Variants in CSMD1 observed in about 807,000 individuals in gnomAD.
The protein encoded by CSMD1 is CUB and sushi domain-containing protein 1.
CSMD1 carries 213 observed loss-of-function variants against 417.5 expected under a neutral mutation model. The observed-to-expected ratio is 0.51, with a 90% CI of 0.46 to 0.57. The LOEUF is 0.57. CSMD1 is among the 20% of genes least tolerant of loss of function. The probability of loss-of-function intolerance (pLI) is 0.00; values close to 1 mark genes in which losing one functional copy is unlikely to be tolerated. For synonymous variants in CSMD1, 2,862 were observed against 1,736.8 expected (o/e 1.65, Z -16.11); for missense variants, 6,923 against 4,529.7 (o/e 1.53, Z -15.17).
At chr8:4,126,041 C>T (rs373515898) in intron 3 of CSMD1, among the ~76,000 whole-genome samples, 2 of 152,148 alleles carry the variant, frequency 1.3e-5, no homozygotes, top group East Asian at 1.9e-4. Flanking sequence ...ACCACCAAGA[C>T]TTTTAATCTG....
intron 3 of CSMD1, among the ~76,000 whole-genome samples, chr8:4,348,136 G>A (rs1298436326): frequency 6.6e-6 from 1 of 152,206 alleles, no homozygotes; most frequent in East Asian, 1.9e-4. Flanking sequence ...ATTAAAGAGA[G>A]AAGACCTTTT....
intron 3 of CSMD1, among the ~76,000 whole-genome samples, chr8:4,376,656 G>A (rs888894450): frequency 7.2e-5 from 11 of 152,088 alleles, no homozygotes; most frequent in South Asian, 2.1e-4. Context: ...TTCTATAGCC[G>A]TGCTCATATC....
At chr8:3,786,807 G>C (rs1156769717) in intron 5 of CSMD1, among the ~76,000 whole-genome samples, 1 of 152,128 alleles carries the variant, frequency 6.6e-6, no homozygotes, top group African/African-American at 2.4e-5. Flanking sequence ...GGTAGAGAGA[G>C]AAGAAGGAAA....
At chr8:4,255,178 A>T (rs899721571) in intron 3 of CSMD1, among the ~76,000 whole-genome samples, 3 of 152,228 alleles carry the variant, frequency 2.0e-5, no homozygotes, top group African/African-American at 7.2e-5. Flanking sequence ...CCATGCTGGA[A>T]AGAGCATGAT....
chr8:3,708,997 G>C (rs3816750), intron 6 of CSMD1, among the ~76,000 whole-genome samples: 13 of 152,178 alleles, frequency 8.5e-5, no homozygotes, highest in African/African-American at 2.2e-4. Flanking sequence ...CATGCTCTAC[G>C]TGCTGTAGAT....
In CSMD1 at chr8:3,436,629, T is replaced by C. The variant is rs567761123; in HGVS notation, c.1562-27024A>G. Among the ~76,000 whole-genome samples, 14 of 152,300 alleles carry C rather than the reference T, an allele frequency of 9.2e-5. No homozygotes were observed. In the East Asian group the frequency reaches 2.1e-3, roughly 23 times the overall value. ...GATCATAATAAACATCACACCAACA[T>C]AGTGATTACATGTATTTCAAAACAA... On this transcript the variant is annotated intron_variant, in intron 12 of 69. Coordinates refer to ENST00000635120, the MANE Select transcript of CSMD1 (RefSeq NM_033225.6).
intron 2 of CSMD1, among the ~76,000 whole-genome samples, chr8:4,578,332 A>ATTTTTTTTTTTTTTTTTTTTTTTTTT: frequency 2.1e-5 from 1 of 48,768 alleles, no homozygotes; most frequent in African/African-American, 7.6e-5. Flanking sequence ...CACCCGGCTC[A>ATTTTTTTTTTTTTTTTTTTTTTTTTT]TTTTTTTTTT....
At chr8:4,625,041 G>A (rs916045924) in intron 2 of CSMD1, among the ~76,000 whole-genome samples, 1 of 152,058 alleles carries the variant, frequency 6.6e-6, no homozygotes, top group African/African-American at 2.4e-5. Flanking sequence ...ATGAGAAACC[G>A]GGAAGAATGA....
intron 51 of CSMD1, among the ~76,000 whole-genome samples, chr8:3,023,987 G>C (rs1585173471): frequency 6.6e-6 from 1 of 152,044 alleles, no homozygotes; most frequent in African/African-American, 2.4e-5. Context: ...CTATGAAGAA[G>C]CTAGCACAGT....
intron 1 of CSMD1, among the ~76,000 whole-genome samples, chr8:4,817,473 C>A (rs991554627): frequency 3.3e-5 from 5 of 152,230 alleles, no homozygotes; most frequent in African/African-American, 9.6e-5. Flanking sequence ...AGGGAGGAGG[C>A]CCAAAGGGCA....
At chr8:4,421,757 T>C (rs962567045) in intron 2 of CSMD1, among the ~76,000 whole-genome samples, 1 of 151,686 alleles carries the variant, frequency 6.6e-6, no homozygotes, top group Non-Finnish European at 1.5e-5. Flanking sequence ...ATCCAAATTC[T>C]TATTGCAAGA....
At chr8:4,169,822 G>A (rs1256441645) in intron 3 of CSMD1, among the ~76,000 whole-genome samples, 1 of 152,178 alleles carries the variant, frequency 6.6e-6, no homozygotes, top group Non-Finnish European at 1.5e-5. Flanking sequence ...CTTTCTGTCT[G>A]CCCTTCCTGA....
chr8:3,586,065 T>C (rs978905249), intron 9 of CSMD1, 71 bp downstream of exon 9: 9 of 1,496,620 alleles, frequency 6.0e-6, no homozygotes, highest in South Asian at 5.1e-5. Flanking sequence ...CATGCTTAAA[T>C]TGTATATTCA....
At chr8:4,061,791 G>A (rs1319439648) in intron 3 of CSMD1, among the ~76,000 whole-genome samples, 1 of 152,144 alleles carries the variant, frequency 6.6e-6, no homozygotes, top group Non-Finnish European at 1.5e-5. Flanking sequence ...TTCTCCATTT[G>A]CAGTTGATTA....
At chr8:3,072,520 G>C (rs964827153) in intron 49 of CSMD1, among the ~76,000 whole-genome samples, 3 of 152,158 alleles carry the variant, frequency 2.0e-5, no homozygotes, top group African/African-American at 7.2e-5. Context: ...TCATGTCATG[G>C]TCAAAATACT....
intron 49 of CSMD1, among the ~76,000 whole-genome samples, chr8:3,055,740 A>G (rs1437350168): frequency 6.6e-6 from 1 of 152,228 alleles, no homozygotes; most frequent in Non-Finnish European, 1.5e-5. Flanking sequence ...ATGTCCCAGC[A>G]GCTTAGGCGA....
intron 2 of CSMD1, among the ~76,000 whole-genome samples, chr8:4,429,960 G>T (rs951443708): frequency 1.3e-5 from 2 of 152,102 alleles, no homozygotes; most frequent in Admixed American, 1.3e-4. Context: ...AGAGGCAAAG[G>T]GGAGAATCCA....
chr8:3,592,819 G>T (rs1046007629), intron 8 of CSMD1, among the ~76,000 whole-genome samples: 1 of 152,086 alleles, frequency 6.6e-6, no homozygotes, highest in Non-Finnish European at 1.5e-5. Flanking sequence ...ATTCACAGTG[G>T]GATCCAGGTG....
At chr8:3,362,074 C>T (rs1809224309) in intron 20 of CSMD1, among the ~76,000 whole-genome samples, 1 of 152,004 alleles carries the variant, frequency 6.6e-6, no homozygotes, top group African/African-American at 2.4e-5. Flanking sequence ...CTTTTTTTCC[C>T]CCTTCATCAA....
Sources: gnomAD v4.1 joint callset for allele counts (sites outside exome capture counted in the v4.1 genomes callset) on GRCh38, gnomAD v4.1.1 for gene constraint, MANE v1.5 for transcripts, NCBI Gene and HGNC (gene_info 2026-07-23, HGNC 2026-07-21) for gene names.